The following GRID2IP variants were observed in gnomAD, a reference collection of about 807,000 sequenced individuals.
GRID2IP encodes delphilin.
GRID2IP carries 78 observed loss-of-function variants against 114.3 expected under a neutral mutation model. The observed-to-expected ratio is 0.68, with a 90% CI of 0.57 to 0.82. GRID2IP has a LOEUF of 0.82. GRID2IP is among the 40% of genes least tolerant of loss of function. The probability of loss-of-function intolerance (pLI) is 0.00; values close to 1 mark genes in which losing one functional copy is unlikely to be tolerated. For synonymous variants in GRID2IP, 809 were observed against 724.0 expected, an observed-to-expected ratio of 1.12 and a Z score of -1.89; for missense variants, 1,727 against 1,678.5, an observed-to-expected ratio of 1.03 and a Z score of -0.51.
chr7:6,515,871 G>T (rs1779286256), intron 7 of GRID2IP, among the ~76,000 whole-genome samples: 1 of 151,978 alleles, frequency 6.6e-6, no homozygotes. Flanking sequence ...GGCTGAGGTG[G>T]GTGGATCACG....
chr7:6,517,903 AAAAT>A (rs201670978), intron 7 of GRID2IP, among the ~76,000 whole-genome samples: 27,062 of 149,686 alleles, frequency 0.18, 5,555 homozygotes, highest in African/African-American at 0.51. Context: ...ACTCTGCTTC[AAAAT>A]AAATAAATAA....
rs985469722 is a variant in GRID2IP at position 6,507,199 on chromosome 7, G to A, written c.2544+786C>T. Among the ~76,000 whole-genome samples the A allele has an allele frequency of 2.6e-5, 4 of 152,210 alleles. No homozygotes were observed. The highest frequency in any genetic ancestry group is 9.6e-5 in the African/African-American group (4 of 41,452). On this transcript the variant is annotated intron_variant, in intron 13 of 21. Transcript: ENST00000457091. The surrounding 1 kb of genome is among the most constrained non-coding windows in gnomAD (Gnocchi z 5.3). ...GCACTGGGACGGGGCAGCCCTGGGA[G>A]CTGGAAGGAGCCCCTGCCATATTAA...
At position 6,526,341 on chromosome 7, in the gene GRID2IP, T is replaced by C; in HGVS notation, c.834-32A>G. On this transcript the variant is annotated intron_variant, in intron 3 of 21. Coordinates refer to ENST00000457091, the MANE Select transcript of GRID2IP (RefSeq NM_001145118.2). The surrounding 1 kb of genome is among the most constrained non-coding windows in gnomAD (Gnocchi z 7.6). ...GAAAAAGAAGGGGCGAGCAGCATGA[T>C]GGAGAGGGGGCCCTGGGGCGCAGAG... 6.5e-7 allele frequency: 1 copy of C among 1,541,834 alleles called. No individual in the cohort carries two copies. The highest frequency in any genetic ancestry group is 1.4e-5 in the African/African-American group (1 of 72,972).
chr7:6,504,357 G>C (rs1156315904), intron 15 of GRID2IP, among the ~76,000 whole-genome samples: 2 of 147,388 alleles, frequency 1.4e-5, no homozygotes, highest in African/African-American at 5.0e-5. Context: ...GAATGGAGGG[G>C]ACAAGGAACA....
Position 6,508,251 on chromosome 7 carries a change from G to A in GRID2IP, c.2278C>T (p.Pro760Ser). 6.5e-7 allele frequency: 1 copy of A among 1,536,390 alleles called. No individual in the cohort carries two copies. Among genetic ancestry groups the A allele is most frequent in the Middle Eastern group, 2.3e-4 (1 of 4,302 alleles). ...TTAGCGTCATGGAAAGGCAGGGGTG[G>A]CGGTGGTGGGGGGCTGAGCGGGGGT... ...PPPPLSPPPP[P>S]PLPFHDAKPS... The change falls in exon 13 of 22, where the codon CCA (proline) becomes TCA (serine). Residue 760 changes from proline to serine, a missense_variant. Transcript: ENST00000457091. This position sits in a 1 kb window ranked among gnomAD's most constrained non-coding sequence, Gnocchi z 5.6.
rs1779381253 is a variant in GRID2IP at position 6,519,935 on chromosome 7, A to G, written c.1268+643T>C. On this transcript the variant is annotated intron_variant, in intron 7 of 21. Transcript: ENST00000457091. The surrounding 1 kb of genome is among the most constrained non-coding windows in gnomAD (Gnocchi z 4.1). ...AACCCTACCCCGAAGGGCCTAGCCC[A>G]TGACAAGTGCCCACAGGTGGGGCTC... Among the ~76,000 whole-genome samples the G allele has an allele frequency of 6.6e-6, 1 of 152,182 alleles. No homozygotes were observed. The highest frequency in any genetic ancestry group is 2.4e-5 in the African/African-American group (1 of 41,446).
intron 7 of GRID2IP, among the ~76,000 whole-genome samples, chr7:6,518,709 C>A (rs1215656985): frequency 6.6e-6 from 1 of 151,754 alleles, no homozygotes; most frequent in East Asian, 1.9e-4. Context: ...GTACTCCAGC[C>A]TGATGACAGA....
At chr7:6,549,525 G>C (rs1269396868) in intron 1 of GRID2IP, among the ~76,000 whole-genome samples, 3 of 152,264 alleles carry the variant, frequency 2.0e-5, no homozygotes, top group African/African-American at 7.2e-5. Flanking sequence ...GCCTCCTGCA[G>C]CCAACAAGCC....
Position 6,547,484 on chromosome 7 carries a change from G to A in GRID2IP, c.429+3524C>T, listed in dbSNP as rs576879766. Among the ~76,000 whole-genome samples the A allele has an allele frequency of 2.4e-3, 369 of 152,176 alleles. 2 individuals are homozygous for A. Among genetic ancestry groups the A allele is most frequent in the African/African-American group, 8.7e-3 (362 of 41,516 alleles). ...GATCACTTGAGCCCAGGAGTTGGAGGCTGTAGTGAGCTATGATTGTACCAC... is the reference window on the plus strand; with the variant it reads ...GATCACTTGAGCCCAGGAGTTGGAGACTGTAGTGAGCTATGATTGTACCAC... On this transcript the variant is annotated intron_variant, in intron 1 of 21. Coordinates refer to ENST00000457091, the MANE Select transcript of GRID2IP (RefSeq NM_001145118.2).
At chr7:6,510,760 C>T (rs570052977) in intron 9 of GRID2IP, 54 bp from the exon 10 acceptor site, 2 of 1,516,560 alleles carry the variant, frequency 1.3e-6, no homozygotes, top group East Asian at 2.5e-5. Context: ...CAGGCCCCGG[C>T]CCAGAACCAA....
At chr7:6,504,720 TG>T in intron 15 of GRID2IP, 72 bp downstream of exon 15, 1 of 1,156,840 alleles carries the variant, frequency 8.6e-7, no homozygotes, top group Non-Finnish European at 1.3e-6. Flanking sequence ...GTCATCCACC[TG>T]GGCAGGTCTG....
chr7:6,518,854 C>T (rs1485174371), intron 7 of GRID2IP, among the ~76,000 whole-genome samples: 2 of 152,128 alleles, frequency 1.3e-5, no homozygotes, highest in Non-Finnish European at 2.9e-5. Flanking sequence ...TTGGACAGAG[C>T]TAAACACATA....
intron 1 of GRID2IP, among the ~76,000 whole-genome samples, chr7:6,544,290 T>G (rs1779853487): frequency 6.6e-6 from 1 of 151,624 alleles, no homozygotes; most frequent in Admixed American, 6.6e-5. Flanking sequence ...TTCTTTCTGT[T>G]TTTTTTGAGA....
intron 2 of GRID2IP, among the ~76,000 whole-genome samples, chr7:6,538,564 C>G (rs1022209104): frequency 6.9e-6 from 1 of 145,552 alleles, no homozygotes; most frequent in African/African-American, 2.6e-5. Flanking sequence ...GAGACCCTGT[C>G]TCAAAACAAA....
Position 6,551,422 on chromosome 7 carries a change from GGC to G in GRID2IP, c.13_14del (p.Ala5HisfsTer111). The G allele has an allele frequency of 6.5e-7, 1 of 1,544,098 alleles. No individual in the cohort carries two copies. The highest frequency in any genetic ancestry group is 8.7e-7 in the Non-Finnish European group (1 of 1,143,852). On this transcript the variant is annotated frameshift_variant, in exon 1 of 22. Transcript: ENST00000457091. LOFTEE classifies it high-confidence loss of function. ...GCCAGCCCTGGTTCGTGGCCGGCGT[GGC>G]AGTGGTGGCCATGCACCTAGAACTG... MATT[A>X]TPATNQGWPE... is the part of the protein sequence containing the mutation.
At chr7:6,512,513 T>A (rs1779195628) in intron 8 of GRID2IP, among the ~76,000 whole-genome samples, 1 of 151,378 alleles carries the variant, frequency 6.6e-6, no homozygotes, top group African/African-American at 2.4e-5. Flanking sequence ...GCTAATTTTT[T>A]ATTTTTTTTT....
chr7:6,540,379 T>C (rs979802539), intron 1 of GRID2IP, among the ~76,000 whole-genome samples: 3 of 152,116 alleles, frequency 2.0e-5, no homozygotes, highest in Non-Finnish European at 4.4e-5. Context: ...CCCAAGGTGC[T>C]GGGATTACAA....
chr7:6,545,859 C>T (rs537431971), intron 1 of GRID2IP, among the ~76,000 whole-genome samples: 4 of 152,138 alleles, frequency 2.6e-5, no homozygotes, highest in East Asian at 1.9e-4. Context: ...TCCCCACGCA[C>T]GCGCCGTGCT....
rs1779787755 is a variant in GRID2IP, at chr7:6,539,981, C to T, written c.430-109G>A. On this transcript the variant is annotated intron_variant, in intron 1 of 21. Coordinates refer to ENST00000457091, the MANE Select transcript of GRID2IP (RefSeq NM_001145118.2). ...CAGTTTACCTACACGGGATGGCTGA[C>T]GTGGGCGTACCACCTGAGTGCTATG... The T allele has an allele frequency of 7.5e-6, 7 of 934,646 alleles. No homozygotes were observed. In the East Asian group the frequency reaches 8.3e-5, roughly 11 times the overall value. 57.9% of individuals were successfully genotyped at this position (934,646 alleles called of 1,614,324 possible).
Sources: allele counts gnomAD v4.1 joint callset (sites outside exome capture counted in the v4.1 genomes callset), GRCh38; gene constraint gnomAD v4.1.1; non-coding constraint Gnocchi (gnomAD v3.1); transcripts MANE v1.5; gene names NCBI Gene and HGNC (gene_info 2026-07-23, HGNC 2026-07-21).